Variants in CLASP2 observed in about 807,000 individuals in gnomAD.
The protein encoded by CLASP2 is CLIP-associating protein 2.
Under a neutral mutation model 194.4 loss-of-function variants are expected in CLASP2, and 47 were observed. That is an observed-to-expected ratio of 0.24 (90% confidence interval 0.19 to 0.31). The LOEUF (loss-of-function observed/expected upper bound fraction) is 0.31, where lower values mean the gene tolerates loss of function less well. CLASP2 is among the 10% of genes least tolerant of loss of function. The pLI, the probability that CLASP2 is intolerant of heterozygous loss-of-function variation, is 1.00. For synonymous variants in CLASP2, 619 were observed against 633.5 expected (o/e 0.98, Z 0.34); for missense variants, 1,445 against 1,823.6 (o/e 0.79, Z 3.78).
At chr3:33,684,333 A>AG (rs1476260409) in intron 6 of CLASP2, 26 bp downstream of exon 6, 2 of 1,426,948 alleles carry the variant, frequency 1.4e-6, no homozygotes, top group African/African-American at 2.9e-5. Flanking sequence ...AAAAAAAAAA[A>AG]AAGAACCAAA....
At chr3:33,544,160 T>C (rs560879194) in intron 31 of CLASP2, among the ~76,000 whole-genome samples, 7 of 152,296 alleles carry the variant, frequency 4.6e-5, no homozygotes, top group Non-Finnish European at 7.4e-5. Flanking sequence ...AAAATATATA[T>C]ATGTATACAC....
chr3:33,692,041 G>A (rs919380261), intron 2 of CLASP2, among the ~76,000 whole-genome samples: 1 of 152,050 alleles, frequency 6.6e-6, no homozygotes, highest in Non-Finnish European at 1.5e-5. Context: ...GTGATGATGC[G>A]TGTCTGTAGC....
At position 33,573,327 on chromosome 3, in the gene CLASP2, A is replaced by G; in HGVS notation, c.2482T>C (p.Ser828Pro). The G allele has an allele frequency of 6.2e-7, 1 of 1,613,790 alleles. No individual in the cohort carries two copies. The highest frequency in any genetic ancestry group is 8.5e-7 in the Non-Finnish European group (1 of 1,179,764). Residue 828 changes from serine (S) to proline (P), a missense_variant, in exon 25 of 39, where the codon TCA becomes CCA. Physicochemically the swap from Ser to Pro is moderately conservative, Grantham distance 74 (BLOSUM62 -1). Transcript: ENST00000682230. Reference sequence around the variant, plus strand: ...TCATCATCTGAATGCATTCCATATGATTCATATCTTCTTCGAGCTGGTTTT... The same window carrying G: ...TCATCATCTGAATGCATTCCATATGGTTCATATCTTCTTCGAGCTGGTTTT... ...LKKPARRRYE[S>P]YGMHSDDDAN...
chr3:33,509,537 T>C (rs2049192963), intron 37 of CLASP2, among the ~76,000 whole-genome samples: 1 of 152,228 alleles, frequency 6.6e-6, no homozygotes, highest in African/African-American at 2.4e-5. Context: ...TTCTTAGTAC[T>C]AAGGCATAGA....
At position 33,592,499 on chromosome 3, in the gene CLASP2, G is replaced by A. The variant is rs1319164431; in HGVS notation, c.1967-3C>T. The A allele has an allele frequency of 3.1e-6, 5 of 1,603,958 alleles. No homozygotes were observed. The Admixed American group carries it at 5.0e-5, about 16-fold the overall frequency. On this transcript the variant is annotated splice_region_variant and splice_polypyrimidine_tract_variant and intron_variant, in intron 20 of 38. Coordinates refer to ENST00000682230, the MANE Select transcript of CLASP2 (RefSeq NM_001365631.1). The stretch of plus-strand genomic sequence containing the variant: ...TGAAAGTTTTGCTCTCACCCGGCCT[G>A]AGAAATAAAATATTTACATAATTAA...
intron 9 of CLASP2, among the ~76,000 whole-genome samples, chr3:33,630,687 A>G (rs2154292094): frequency 6.6e-6 from 1 of 152,278 alleles, no homozygotes; most frequent in South Asian, 2.1e-4. Context: ...GGTGTGGAAC[A>G]CCTTTACAGG....
intron 23 of CLASP2, among the ~76,000 whole-genome samples, chr3:33,579,122 A>C (rs551908329): frequency 6.6e-6 from 1 of 152,366 alleles, no homozygotes; most frequent in Non-Finnish European, 1.5e-5. Context: ...TTTGCTATGC[A>C]GTACCCATAT....
At chr3:33,603,223 T>C (rs919235460) in intron 17 of CLASP2, 98 bp from the exon 18 acceptor site, 5 of 1,316,876 alleles carry the variant, frequency 3.8e-6, no homozygotes, top group African/African-American at 1.5e-5. Flanking sequence ...TGATGACAAA[T>C]GGTCAACAAA....
intron 6 of CLASP2, among the ~76,000 whole-genome samples, chr3:33,678,236 A>G (rs746148202): frequency 2.6e-5 from 4 of 152,190 alleles, no homozygotes; most frequent in Non-Finnish European, 5.9e-5. Flanking sequence ...TTCCCAAATT[A>G]ATGCCAGATA....
chr3:33,497,492 TA>T lies in CLASP2; in HGVS notation c.*1138del, dbSNP rs1383742496. The T allele has an allele frequency of 1.3e-5, 2 of 152,732 alleles. No homozygotes were observed. Among genetic ancestry groups the T allele is most frequent in the East Asian group, 3.9e-4 (2 of 5,190 alleles). 9.5% of individuals were successfully genotyped at this position (152,732 alleles called of 1,614,324 possible). On this transcript the variant is annotated 3_prime_UTR_variant, in exon 39 of 39. Transcript: ENST00000682230. ...AAGTAACAGAAAATCACCCTTTAAGTAGTTTTCCAAAAGACACTATAGGCAG... is the reference window on the plus strand; with the variant it reads ...AAGTAACAGAAAATCACCCTTTAAGTGTTTTCCAAAAGACACTATAGGCAG...
intron 27 of CLASP2, among the ~76,000 whole-genome samples, chr3:33,563,728 C>T (rs2062173736): frequency 6.6e-6 from 1 of 152,174 alleles, no homozygotes; most frequent in African/African-American, 2.4e-5. Context: ...AGTTTGTCAA[C>T]TCATGTCTCT....
In CLASP2 at chr3:33,576,472, A is replaced by G. The variant is rs138193297; in HGVS notation, c.2348-197T>C. The G allele has an allele frequency of 4.3e-4, 228 of 524,220 alleles. 2 individuals are homozygous for G. In the East Asian group the frequency reaches 6.1e-3, roughly 14 times the overall value. The allele number at this position is 524,220 out of a possible 1,614,324, so 32.5% of individuals were successfully genotyped here. A position where few individuals can be genotyped will look rare whatever the true frequency, so the allele number is the denominator to read the frequency against. On this transcript the variant is annotated intron_variant, in intron 23 of 38. Transcript: ENST00000682230. ...GTAAAGACAATTAAAATTACTGACA[A>G]TGTGTGAAAAATAAAGAACGGTCAC... is the stretch of plus-strand genomic sequence containing the variant.
intron 32 of CLASP2, among the ~76,000 whole-genome samples, chr3:33,542,636 A>G (rs1023322109): frequency 6.7e-6 from 1 of 148,496 alleles, no homozygotes; most frequent in Admixed American, 6.7e-5. Context: ...TATGTAATTC[A>G]TTATATATGA....
intron 2 of CLASP2, among the ~76,000 whole-genome samples, chr3:33,696,357 T>TC (rs1411590400): frequency 6.9e-6 from 1 of 145,350 alleles, no homozygotes; most frequent in Non-Finnish European, 1.5e-5. Context: ...TTCTTTCTTT[T>TC]TTTTTTTTTT....
chr3:33,501,848 G>T, intron 37 of CLASP2, 80 bp from the exon 38 acceptor site: 1 of 871,780 alleles, frequency 1.1e-6, no homozygotes, highest in Non-Finnish European at 1.9e-6. Flanking sequence ...AGAAGATGCA[G>T]CTGAAAGATG....
intron 1 of CLASP2, among the ~76,000 whole-genome samples, chr3:33,713,031 AAAAAAAAAG>A (rs1205605200): frequency 2.0e-4 from 30 of 150,564 alleles, no homozygotes; most frequent in African/African-American, 6.8e-4. Context: ...AAAAAAAAAA[AAAAAAAAAG>A]AAAGTGTGAA....
At chr3:33,645,308 C>T (rs2082090750) in intron 7 of CLASP2, 1 of 765,218 alleles carries the variant, frequency 1.3e-6, no homozygotes. Flanking sequence ...GCAAATCAGT[C>T]GCCTCATTCC....
rs11437940 is a variant in CLASP2 at position 33,582,000 on chromosome 3, G to GT, written c.2240-73dup. The GT allele has an allele frequency of 3.3e-3, 3,633 of 1,102,036 alleles. 92 individuals are homozygous for GT. In the African/African-American group the frequency reaches 0.05, roughly 15 times the overall value. The allele number at this position is 1,102,036 out of a possible 1,614,324, so 68.3% of individuals were successfully genotyped here. ...CAGAGTTTGCATTTTAAAAAATTTT[G>GT]TTTTTTTCTTTCTTAAAGACTGAAC... is the stretch of plus-strand genomic sequence containing the variant. On this transcript the variant is annotated intron_variant, in intron 22 of 38. Coordinates refer to ENST00000682230, the MANE Select transcript of CLASP2 (RefSeq NM_001365631.1).
chr3:33,666,190 A>G (rs2086145197), intron 6 of CLASP2, among the ~76,000 whole-genome samples: 1 of 152,246 alleles, frequency 6.6e-6, no homozygotes, highest in Non-Finnish European at 1.5e-5. Flanking sequence ...TTTCTAAAAT[A>G]ACAGTATTAT....
Sources: allele counts gnomAD v4.1 joint callset (sites outside exome capture counted in the v4.1 genomes callset), GRCh38; gene constraint gnomAD v4.1.1; transcripts MANE v1.5; gene names NCBI Gene and HGNC (gene_info 2026-07-23, HGNC 2026-07-21).